The following LRSAM1 variants were observed in gnomAD, a reference collection of about 807,000 sequenced individuals.
LRSAM1 encodes leucine rich repeat and sterile alpha motif containing 1, also known as E3 ubiquitin-protein ligase LRSAM1.
In LRSAM1, 96 loss-of-function variants were observed where a neutral mutation model predicts 118.1. The observed-to-expected ratio is 0.81, with a 90% CI of 0.69 to 0.96. LRSAM1 has a LOEUF of 0.96. LRSAM1 is among the 40% of genes least tolerant of loss of function. LRSAM1 has a pLI of 0.00. For missense variants in LRSAM1, 804 were observed against 915.5 expected (o/e 0.88, Z 1.57); for synonymous variants, 322 against 364.2 (o/e 0.88, Z 1.32).
At chr9:127,502,706 AAAAAG>A in intron 25 of LRSAM1, 63 bp from the exon 26 acceptor site, 1 of 1,478,258 alleles carries the variant, frequency 6.8e-7, no homozygotes, top group Non-Finnish European at 9.0e-7. Flanking sequence ...AAAAAAAAAA[AAAAAG>A]ACGGGCCTGG....
intron 17 of LRSAM1, among the ~76,000 whole-genome samples, chr9:127,486,166 G>A (rs899878943): frequency 4.6e-5 from 7 of 152,244 alleles, no homozygotes; most frequent in Non-Finnish European, 7.3e-5. Flanking sequence ...CGCAACTCAG[G>A]TTCTGAGAAA....
chr9:127,472,724 T>C (rs187596348), intron 10 of LRSAM1, among the ~76,000 whole-genome samples: 4 of 152,322 alleles, frequency 2.6e-5, no homozygotes, highest in Non-Finnish European at 5.9e-5. Context: ...TATGCCTTGC[T>C]TTTTTTGTCT....
intron 7 of LRSAM1, 152 bp downstream of exon 7, chr9:127,459,223 T>G (rs899566859): frequency 8.1e-6 from 6 of 744,882 alleles, no homozygotes; most frequent in African/African-American, 5.4e-5. Context: ...TGGGGTTTTT[T>G]TTTTTTTTTT....
chr9:127,502,686 CAAAAAAAAAAAAA>C, intron 25 of LRSAM1, 75 bp from the exon 26 acceptor site: 31 of 897,758 alleles, frequency 3.5e-5, no homozygotes, highest in Non-Finnish European at 4.3e-5. Flanking sequence ...GACTCTGTCT[CAAAAAAAAAAAAA>C]AAAAAAAAAA....
intron 6 of LRSAM1, 78 bp downstream of exon 6, chr9:127,457,471 C>A: frequency 7.5e-7 from 1 of 1,339,600 alleles, no homozygotes. Flanking sequence ...TCCTTTTGGG[C>A]TGCCTCTTGC....
intron 23 of LRSAM1, 93 bp downstream of exon 23, chr9:127,496,188 T>A (rs1334224251): frequency 1.3e-6 from 2 of 1,551,860 alleles, no homozygotes; most frequent in Non-Finnish European, 1.7e-6. Context: ...TAGTCCTCGT[T>A]GAGGCCTGTC....
chr9:127,457,115 C>G (rs1259548810), intron 5 of LRSAM1, among the ~76,000 whole-genome samples: 2 of 152,208 alleles, frequency 1.3e-5, no homozygotes, highest in South Asian at 4.1e-4. Context: ...GTCTCTTTCA[C>G]CCTTGAAGAT....
In LRSAM1 at chr9:127,474,016, G is replaced by A. The variant is rs1475280812; in HGVS notation, c.750+85G>A. On this transcript the variant is annotated intron_variant, in intron 11 of 25. Coordinates refer to ENST00000300417, the MANE Select transcript of LRSAM1 (RefSeq NM_001005373.4). ...TGTTGAGGGAGCTGGGAATGGAAGG[G>A]GGCGGTGGTTCAGAGCTGCAGCTCC... 4 of 1,593,370 alleles carry A rather than the reference G, an allele frequency of 2.5e-6. No individual in the cohort carries two copies. In the Admixed American group the frequency reaches 7.0e-5, roughly 28 times the overall value.
intron 15 of LRSAM1, among the ~76,000 whole-genome samples, chr9:127,481,450 G>A (rs1411636961): frequency 6.6e-6 from 1 of 151,850 alleles, no homozygotes; most frequent in East Asian, 2.0e-4. Context: ...GGGTTTCACC[G>A]TGTTAACCAG....
At chr9:127,473,725 G>C (rs1835254362) in intron 10 of LRSAM1, 76 bp from the exon 11 acceptor site, 1 of 1,607,802 alleles carries the variant, frequency 6.2e-7, no homozygotes, top group Admixed American at 1.7e-5. Context: ...CGGCTGCCCT[G>C]GCAGTGGGAG....
intron 19 of LRSAM1, among the ~76,000 whole-genome samples, chr9:127,489,753 C>T (rs1038377329): frequency 4.6e-5 from 7 of 152,216 alleles, no homozygotes; most frequent in Admixed American, 3.9e-4. Flanking sequence ...GTCTTGCCAG[C>T]GAGGCGGGTC....
chr9:127,473,399 T>C (rs1288663791), intron 10 of LRSAM1, among the ~76,000 whole-genome samples: 1 of 152,214 alleles, frequency 6.6e-6, no homozygotes, highest in Non-Finnish European at 1.5e-5. Flanking sequence ...GTCTAAGGTA[T>C]GAACCCTTTG....
chr9:127,475,962 A>T (rs1476158161), intron 11 of LRSAM1, among the ~76,000 whole-genome samples: 1 of 151,980 alleles, frequency 6.6e-6, no homozygotes, highest in African/African-American at 2.4e-5. Context: ...CTGGTCACGA[A>T]CTCCTGACCT....
intron 2 of LRSAM1, among the ~76,000 whole-genome samples, chr9:127,453,315 C>T (rs188905421): frequency 6.6e-6 from 1 of 152,306 alleles, no homozygotes; most frequent in African/African-American, 2.4e-5. Context: ...CTCCTGGGCT[C>T]AAGTGACCCA....
At position 127,489,482 on chromosome 9, in the gene LRSAM1, G is replaced by A. The variant is rs1244248495; in HGVS notation, c.1386G>A (p.Val462=). Residue 462 remains valine (V), a synonymous_variant, in exon 19 of 26, where the codon GTG becomes GTA. Transcript: ENST00000300417. The part of the protein sequence containing the change: ...MQKAAFEALQ[V]KKDLMHRQIR... ...AGGCTGCGTTCGAGGCACTCCAGGT[G>A]AAGAAAGACCTGATGCATCGGCAGA... 2 of 1,610,316 alleles carry A rather than the reference G, an allele frequency of 1.2e-6. No individual in the cohort carries two copies. The highest frequency in any genetic ancestry group is 1.7e-6 in the Non-Finnish European group (2 of 1,178,900).
intron 16 of LRSAM1, among the ~76,000 whole-genome samples, chr9:127,484,126 G>A (rs1356814638): frequency 6.6e-6 from 1 of 151,410 alleles, no homozygotes. Flanking sequence ...TCTACTTTCT[G>A]TGTGTGGATT....
chr9:127,465,917 AAC>A lies in LRSAM1; in HGVS notation c.529-1820_529-1819del, dbSNP rs776091047. 1.3e-5 allele frequency among the ~76,000 whole-genome samples: 2 copies of A among 152,188 alleles called. No homozygotes were observed. Among genetic ancestry groups the A allele is most frequent in the Non-Finnish European group, 2.9e-5 (2 of 68,040 alleles). On this transcript the variant is annotated intron_variant, in intron 9 of 25. Transcript: ENST00000300417. The surrounding 1 kb of genome is among the most constrained non-coding windows in gnomAD (Gnocchi z 4.1). ...AGGCCCCTGCTTCCTGGGCTTCATA[AAC>A]ACGGAGGCATCTGCATGTGTGCGCT...
At chr9:127,495,237 G>C (rs1180427585) in intron 21 of LRSAM1, 83 bp from the exon 22 acceptor site, 73 of 1,314,548 alleles carry the variant, frequency 5.6e-5, no homozygotes, top group Non-Finnish European at 7.0e-5. Context: ...ACAGGCATGA[G>C]CCACCGCGCC....
chr9:127,494,496 C>G (rs539956426), intron 21 of LRSAM1, among the ~76,000 whole-genome samples: 38 of 152,228 alleles, frequency 2.5e-4, no homozygotes, highest in Non-Finnish European at 4.8e-4. Context: ...ATGATGGCAT[C>G]GTTAGGTGCA....
Sources: allele counts gnomAD v4.1 joint callset (sites outside exome capture counted in the v4.1 genomes callset), GRCh38; gene constraint gnomAD v4.1.1; non-coding constraint Gnocchi (gnomAD v3.1); transcripts MANE v1.5; gene names NCBI Gene and HGNC (gene_info 2026-07-23, HGNC 2026-07-21).